Variants in AFG2A observed in about 807,000 individuals in gnomAD.
AFG2A encodes AAA ATPase AFG2A.
chr4:123,005,374 C>T, the AFG2A span, among the ~76,000 whole-genome samples: 8 of 152,156 alleles, frequency 5.3e-5, no homozygotes, highest in Admixed American at 5.2e-4. Flanking sequence ...AGGCTGTTCT[C>T]AAATTCCTGG....
chr4:123,030,983 AT>A, the AFG2A span, among the ~76,000 whole-genome samples: 1 of 152,134 alleles, frequency 6.6e-6, no homozygotes, highest in Non-Finnish European at 1.5e-5. Context: ...TAGGTTTAAA[AT>A]TTTTTTAAAT....
the AFG2A span, among the ~76,000 whole-genome samples, chr4:123,132,706 T>G: frequency 4.6e-4 from 69 of 151,554 alleles, 2 homozygotes; most frequent in South Asian, 4.0e-3. Context: ...AGCTTGGCTA[T>G]TGTGAATAAT....
At chr4:123,026,581 GGT>G in the AFG2A span, among the ~76,000 whole-genome samples, 1 of 152,062 alleles carries the variant, frequency 6.6e-6, no homozygotes, top group East Asian at 1.9e-4. Flanking sequence ...TGATTTCTGC[GGT>G]ATTTTGAAGA....
At chr4:122,996,300 A>G in the AFG2A span, among the ~76,000 whole-genome samples, 1 of 152,178 alleles carries the variant, frequency 6.6e-6, no homozygotes, top group Non-Finnish European at 1.5e-5. Context: ...TGCTTTGTGG[A>G]CATAATTGTG....
the AFG2A span, among the ~76,000 whole-genome samples, chr4:123,049,966 T>G: frequency 6.6e-6 from 1 of 152,160 alleles, no homozygotes; most frequent in Non-Finnish European, 1.5e-5. Context: ...AACTTCCCTC[T>G]TAGTACTGCT....
chr4:123,077,004 GTGTGTGCA>G, the AFG2A span, among the ~76,000 whole-genome samples: 1 of 150,566 alleles, frequency 6.6e-6, no homozygotes, highest in African/African-American at 2.4e-5. Flanking sequence ...GGGTTGTGTG[GTGTGTGCA>G]TGTGTGTAAG....
At chr4:123,007,173 T>C in the AFG2A span, among the ~76,000 whole-genome samples, 1 of 152,114 alleles carries the variant, frequency 6.6e-6, no homozygotes, top group Non-Finnish European at 1.5e-5. Flanking sequence ...TTTAGTCTTG[T>C]GTTTAAATTT....
chr4:122,953,349 A>G, the AFG2A span, among the ~76,000 whole-genome samples: 6,244 of 152,270 alleles, frequency 0.041, 413 homozygotes, highest in African/African-American at 0.14. Flanking sequence ...TCTGATCCCC[A>G]TCCATAACCA....
the AFG2A span, chr4:122,923,123 G>C: frequency 6.2e-7 from 1 of 1,613,760 alleles, no homozygotes. Context: ...CTACTGCTTC[G>C]GCTAGGGTAC....
At chr4:123,084,627 A>AAGAGAG in the AFG2A span, among the ~76,000 whole-genome samples, 2 of 143,282 alleles carry the variant, frequency 1.4e-5, no homozygotes, top group African/African-American at 5.2e-5. Context: ...TATATATATA[A>AAGAGAG]AGAGAGAGAG....
At chr4:123,231,228 G>A in the AFG2A span, among the ~76,000 whole-genome samples, 1 of 151,984 alleles carries the variant, frequency 6.6e-6, no homozygotes, top group African/African-American at 2.4e-5. Context: ...TTGAATATCT[G>A]TTGTTTAGTG....
At chr4:123,146,050 C>T in the AFG2A span, among the ~76,000 whole-genome samples, 3 of 152,080 alleles carry the variant, frequency 2.0e-5, no homozygotes, top group Non-Finnish European at 4.4e-5. Flanking sequence ...GATTGATTTG[C>T]TGTCATGAAT....
At chr4:123,216,095 T>A in the AFG2A span, among the ~76,000 whole-genome samples, 21 of 152,264 alleles carry the variant, frequency 1.4e-4, no homozygotes, top group South Asian at 4.1e-4. Context: ...ATTATAGACA[T>A]TGAGGTCCCA....
chr4:123,140,424 ATATGT>A, the AFG2A span, among the ~76,000 whole-genome samples: 2 of 151,824 alleles, frequency 1.3e-5, no homozygotes, highest in Non-Finnish European at 2.9e-5. Context: ...ATATATGATG[ATATGT>A]TAGGCTTATT....
the AFG2A span, among the ~76,000 whole-genome samples, chr4:123,195,452 A>G: frequency 1.3e-4 from 12 of 94,230 alleles, no homozygotes; most frequent in African/African-American, 2.9e-4. Context: ...GGTAAAAGGT[A>G]GTAGATGGGA....
chr4:123,182,665 A>G, the AFG2A span, among the ~76,000 whole-genome samples: 7 of 152,180 alleles, frequency 4.6e-5, no homozygotes, highest in South Asian at 2.1e-4. Flanking sequence ...CTCCTTTGTC[A>G]GTGACAGAAG....
the AFG2A span, among the ~76,000 whole-genome samples, chr4:123,261,380 A>G: frequency 1.2e-4 from 18 of 152,328 alleles, no homozygotes; most frequent in African/African-American, 4.3e-4. Flanking sequence ...CCAACTGGGA[A>G]TAGAAAATAT....
At chr4:123,213,334 C>T in the AFG2A span, among the ~76,000 whole-genome samples, 1 of 152,216 alleles carries the variant, frequency 6.6e-6, no homozygotes, top group Non-Finnish European at 1.5e-5. Flanking sequence ...TACATACATG[C>T]TCATGGAAAC....
chr4:123,311,539 A>G, the AFG2A span, among the ~76,000 whole-genome samples: 1 of 149,390 alleles, frequency 6.7e-6, no homozygotes, highest in South Asian at 2.1e-4. Flanking sequence ...AGGCAGAAGA[A>G]TCGCTTGAAC....
Sources: gnomAD v4.1 joint callset for allele counts (sites outside exome capture counted in the v4.1 genomes callset) on GRCh38, gnomAD v4.1.1 for gene constraint, MANE v1.5 for transcripts, NCBI Gene and HGNC (gene_info 2026-07-23, HGNC 2026-07-21) for gene names.